The following TKT variants were observed in gnomAD, a reference collection of about 807,000 sequenced individuals.
The protein encoded by TKT is epididymis luminal protein 107.
TKT carries 47 observed loss-of-function variants against 63.9 expected under a neutral mutation model. The observed-to-expected ratio is 0.74, with a 90% CI of 0.58 to 0.94. TKT has a LOEUF of 0.94. Ranked by LOEUF, TKT falls within the 40% of genes least tolerant of loss-of-function variation. The pLI is 0.00. For synonymous variants in TKT, 338 were observed against 334.1 expected, an observed-to-expected ratio of 1.01 and a Z score of -0.13; for missense variants, 721 against 846.2, an observed-to-expected ratio of 0.85 and a Z score of 1.84.
rs1447114762 is a variant in TKT at position 53,242,824 on chromosome 3, G to A, written c.108-582C>T. On this transcript the variant is annotated intron_variant, in intron 1 of 13. Transcript: ENST00000462138. ...CAGGGAGGAAGGGACTGAGGCTCAT[G>A]GAGTTACCACAGACCTCCCAGCAGC... Among the ~76,000 whole-genome samples, 74 of 152,186 alleles carry A rather than the reference G, an allele frequency of 4.9e-4. 1 individual carries two copies. The highest frequency in any genetic ancestry group is 8.8e-5 in the Non-Finnish European group (6 of 68,026).
At chr3:53,241,844 C>A (rs941671883) in intron 2 of TKT, 7 of 429,138 alleles carry the variant, frequency 1.6e-5, no homozygotes, top group Admixed American at 3.5e-5. Flanking sequence ...GAACACACAA[C>A]AGATGTTTCC....
At chr3:53,246,094 C>A (rs1215691865) in intron 1 of TKT, among the ~76,000 whole-genome samples, 1 of 152,022 alleles carries the variant, frequency 6.6e-6, no homozygotes, top group African/African-American at 2.4e-5. Flanking sequence ...ATGGTGAAAC[C>A]CTGTATCTAC....
intron 1 of TKT, among the ~76,000 whole-genome samples, chr3:53,246,941 A>C (rs1553680998): frequency 2.0e-5 from 3 of 152,122 alleles, no homozygotes; most frequent in Non-Finnish European, 4.4e-5. Context: ...ATGAGGATGG[A>C]GGGACCCACT....
At position 53,248,319 on chromosome 3, in the gene TKT, C is replaced by G. The variant is rs536625108; in HGVS notation, c.108-6077G>C. Among the ~76,000 whole-genome samples, 3 of 152,302 alleles carry G rather than the reference C, an allele frequency of 2.0e-5. No individual in the cohort carries two copies. In the South Asian group the frequency reaches 6.2e-4, roughly 32 times the overall value. On this transcript the variant is annotated intron_variant, in intron 1 of 13. Transcript: ENST00000462138. ...AATGGATAAACAAAATGCACTATGT[C>G]CACACAACGGAATATTCAGCCGTAA... is the stretch of plus-strand genomic sequence containing the variant.
At chr3:53,234,800 A>G in intron 5 of TKT, 183 bp downstream of exon 5, 1 of 549,060 alleles carries the variant, frequency 1.8e-6, no homozygotes, top group Non-Finnish European at 3.0e-6. Flanking sequence ...CCTGGCCCAC[A>G]TATCCTGAGC....
intron 1 of TKT, among the ~76,000 whole-genome samples, chr3:53,248,488 G>A (rs1023223167): frequency 2.6e-5 from 4 of 152,124 alleles, no homozygotes; most frequent in Admixed American, 2.6e-4. Flanking sequence ...TTTAAAATTA[G>A]CTGTGTATGG....
intron 5 of TKT, 58 bp from the exon 6 acceptor site, chr3:53,233,332 C>T: frequency 2.1e-6 from 3 of 1,406,626 alleles, no homozygotes; most frequent in Non-Finnish European, 2.9e-6. Context: ...CACCGAGGAG[C>T]CTTCCAGGGA....
At position 53,226,791 on chromosome 3, in the gene TKT, C is replaced by T. The variant is rs1553675625; in HGVS notation, c.1661G>A (p.Gly554Asp). The change falls in exon 13 of 14, where the codon GGC (glycine) becomes GAC (aspartate). Residue 554 changes from glycine to aspartate, a missense_variant. Physicochemically the swap from Gly to Asp is moderately conservative, Grantham distance 94 (BLOSUM62 -1). Coordinates refer to ENST00000462138, the MANE Select transcript of TKT (RefSeq NM_001064.4). ...ATGGTCCTCCACGGTGAGGATCCTGCCCTTGGTGGCACGAGCGCTGTCGAG... is the reference window on the plus strand; with the variant it reads ...ATGGTCCTCCACGGTGAGGATCCTGTCCTTGGTGGCACGAGCGCTGTCGAG... ...LILDSARATKGRILTVEDHYY... is the reference protein window; with the variant it reads ...LILDSARATKDRILTVEDHYY... The T allele has an allele frequency of 6.2e-7, 1 of 1,614,188 alleles. No individual in the cohort carries two copies. Among genetic ancestry groups the T allele is most frequent in the Non-Finnish European group, 8.5e-7 (1 of 1,180,020 alleles).
At chr3:53,238,573 G>A (rs1248668396) in intron 4 of TKT, among the ~76,000 whole-genome samples, 1 of 152,224 alleles carries the variant, frequency 6.6e-6, no homozygotes, top group Non-Finnish European at 1.5e-5. Context: ...CACTTCTGCT[G>A]CAGGAGTGGA....
At position 53,242,187 on chromosome 3, in the gene TKT, T is replaced by C; in HGVS notation, c.163A>G (p.Thr55Ala). 1 of 1,613,856 alleles carries C rather than the reference T, an allele frequency of 6.2e-7. No homozygotes were observed. The highest frequency in any genetic ancestry group is 8.5e-7 in the Non-Finnish European group (1 of 1,179,974). ...AEIMAVLFFH[T>A]MRYKSQDPRN... ...GGGTCCTGGGACTTGTAGCGCATGG[T>C]GTGGAAAAAGAGGACAGCCATGATC... Residue 55 changes from threonine (T) to alanine (A), a missense_variant, in exon 2 of 14, where the codon ACC becomes GCC. Transcript: ENST00000462138.
intron 7 of TKT, 151 bp downstream of exon 7, chr3:53,231,205 AG>A: frequency 1.2e-6 from 1 of 835,298 alleles, no homozygotes; most frequent in Non-Finnish European, 1.8e-6. Flanking sequence ...TGTCATTCTG[AG>A]GGAAGTGACA....
chr3:53,255,301 CAG>C (rs1444942021), intron 1 of TKT, among the ~76,000 whole-genome samples: 1 of 152,210 alleles, frequency 6.6e-6, no homozygotes, highest in Non-Finnish European at 1.5e-5. Context: ...GAATTAAAAA[CAG>C]GGTCTCTAGA....
Position 53,233,237 on chromosome 3 carries a change from C to T in TKT, c.667G>A (p.Glu223Lys), listed in dbSNP as rs1271667520. The T allele has an allele frequency of 1.2e-6, 2 of 1,613,484 alleles. No homozygotes were observed. Among genetic ancestry groups the T allele is most frequent in the Non-Finnish European group, 1.7e-6 (2 of 1,179,786 alleles). ...AIIVDGHSVE[E>K]LCKAFGQAKH... The stretch of plus-strand genomic sequence containing the variant: ...GCCTGGCCAAAGGCCTTGCACAGCT[C>T]CTCCACGCTGTGTCCATCCACGATG... Residue 223 changes from glutamate to lysine, a missense_variant, in exon 6 of 14, where the codon GAG (glutamate) becomes AAG (lysine). Transcript: ENST00000462138.
intron 1 of TKT, among the ~76,000 whole-genome samples, chr3:53,253,388 G>A (rs1705842098): frequency 6.6e-6 from 1 of 152,000 alleles, no homozygotes; most frequent in African/African-American, 2.4e-5. Context: ...GCTCACTACA[G>A]CCTCAACTTC....
chr3:53,253,977 C>G (rs1426472142), intron 1 of TKT, among the ~76,000 whole-genome samples: 1 of 152,176 alleles, frequency 6.6e-6, no homozygotes, highest in Admixed American at 6.5e-5. Context: ...GGGCAAGTAA[C>G]TTAACACACT....
intron 1 of TKT, among the ~76,000 whole-genome samples, chr3:53,244,988 T>A (rs554505415): frequency 6.6e-6 from 1 of 151,762 alleles, no homozygotes; most frequent in Admixed American, 6.5e-5. Context: ...AGCTTAGAGC[T>A]AGGCCCAAAG....
At position 53,230,631 on chromosome 3, in the gene TKT, A is replaced by G. The variant is rs1704710915; in HGVS notation, c.943-10T>C. 2 of 1,613,960 alleles carry G rather than the reference A, an allele frequency of 1.2e-6. No homozygotes were observed. The highest frequency in any genetic ancestry group is 1.7e-5 in the Admixed American group (1 of 60,016). ...CCTTGCGGGTGGCTATCTGTGAGGA[A>G]GAGAGTGGGAAGGCTCTGGACCCCT... On this transcript the variant is annotated splice_polypyrimidine_tract_variant and intron_variant, in intron 7 of 13. Transcript: ENST00000462138.
At chr3:53,228,035 T>A in intron 12 of TKT, 21 bp downstream of exon 12, 1 of 1,610,588 alleles carries the variant, frequency 6.2e-7, no homozygotes, top group Non-Finnish European at 8.5e-7. Flanking sequence ...GTTGATGACT[T>A]TGGAGGCCCC....
intron 5 of TKT, chr3:53,233,812 A>G (rs1704882413): frequency 6.6e-6 from 1 of 152,236 alleles, no homozygotes; most frequent in Non-Finnish European, 1.5e-5. Flanking sequence ...ACTCTTTTTG[A>G]CATAAGAATA....
Sources: allele counts gnomAD v4.1 joint callset (sites outside exome capture counted in the v4.1 genomes callset), GRCh38; gene constraint gnomAD v4.1.1; transcripts MANE v1.5; gene names NCBI Gene and HGNC (gene_info 2026-07-23, HGNC 2026-07-21).